RBMS3: variants seen among roughly 807,000 people sequenced by gnomAD.
RBMS3 encodes the protein RNA binding motif single stranded interacting protein 3, also known as RNA-binding motif, single-stranded-interacting protein 3.
RBMS3 carries 27 observed loss-of-function variants against 66.8 expected under a neutral mutation model. The observed-to-expected ratio is 0.40, with a 90% confidence interval of 0.30 to 0.56. The LOEUF (loss-of-function observed/expected upper bound fraction) is 0.56. Ranked by LOEUF, RBMS3 falls within the 20% of genes least tolerant of loss-of-function variation. The pLI is 0.40. For missense variants in RBMS3, 513 were observed against 549.5 expected (o/e 0.93, Z 0.66); for synonymous variants, 188 against 183.0 (o/e 1.03, Z -0.22).
intron 2 of RBMS3, among the ~76,000 whole-genome samples, chr3:29,469,336 C>T (rs966652219): frequency 6.6e-6 from 1 of 152,038 alleles, no homozygotes; most frequent in Admixed American, 6.6e-5. Flanking sequence ...AATGATCCCA[C>T]TCCTGAGCAG....
intron 4 of RBMS3, among the ~76,000 whole-genome samples, chr3:29,612,905 A>G (rs1268929678): frequency 2.0e-5 from 3 of 152,272 alleles, no homozygotes; most frequent in South Asian, 4.1e-4. Context: ...TTAAAATTGC[A>G]TAGGTATCAT....
intron 12 of RBMS3, among the ~76,000 whole-genome samples, chr3:29,967,369 C>A (rs183259640): frequency 6.6e-6 from 1 of 152,194 alleles, no homozygotes; most frequent in South Asian, 2.1e-4. Flanking sequence ...TCTCTGGCCT[C>A]ACTGCAACCT....
In RBMS3 at chr3:29,350,142, A is replaced by T. The variant is rs537903217; in HGVS notation, c.75+68386A>T. On this transcript the variant is annotated intron_variant, in intron 1 of 14. Transcript: ENST00000383767. ...ACCATTGCACTCCAGCCTGGGCAAC[A>T]AGAGTAAAAACTCCATCTGAAAAAA... 1.9e-3 allele frequency among the ~76,000 whole-genome samples: 262 copies of T among 139,406 alleles called. 2 individuals carry two copies. Among genetic ancestry groups the T allele is most frequent in the African/African-American group, 7.0e-3 (254 of 36,402 alleles). The allele number at this position is 139,406 out of a possible 152,430, so 91.5% of individuals were successfully genotyped here.
chr3:29,637,974 A>G (rs1394895255), intron 4 of RBMS3, among the ~76,000 whole-genome samples: 1 of 151,886 alleles, frequency 6.6e-6, no homozygotes, highest in Admixed American at 6.6e-5. Context: ...AAATCTATTC[A>G]TCTCCTTTGA....
intron 6 of RBMS3, among the ~76,000 whole-genome samples, chr3:29,862,926 A>G (rs2059255591): frequency 6.6e-6 from 1 of 152,008 alleles, no homozygotes. Context: ...ATACTAATAA[A>G]GATATGATGA....
chr3:29,992,689 A>G (rs1411128446), intron 14 of RBMS3, among the ~76,000 whole-genome samples: 1 of 152,196 alleles, frequency 6.6e-6, no homozygotes, highest in Admixed American at 6.5e-5. Context: ...ACAGCTGGGG[A>G]TCTGTAGCCA....
intron 3 of RBMS3, among the ~76,000 whole-genome samples, chr3:29,571,136 T>C (rs2046939184): frequency 6.6e-6 from 1 of 152,092 alleles, no homozygotes; most frequent in African/African-American, 2.4e-5. Flanking sequence ...CCTTGAAAAA[T>C]TTCTATTAAA....
chr3:29,770,986 A>G (rs1005172087), intron 6 of RBMS3, among the ~76,000 whole-genome samples: 3 of 152,088 alleles, frequency 2.0e-5, no homozygotes, highest in African/African-American at 7.2e-5. Flanking sequence ...AAAGCCTGCT[A>G]TACATACACC....
At chr3:29,623,286 TA>T (rs2048939673) in intron 4 of RBMS3, among the ~76,000 whole-genome samples, 1 of 151,540 alleles carries the variant, frequency 6.6e-6, no homozygotes, top group Non-Finnish European at 1.5e-5. Context: ...AGGCAATGAG[TA>T]AACATTATAA....
intron 4 of RBMS3, among the ~76,000 whole-genome samples, chr3:29,648,123 T>C (rs1363447271): frequency 6.6e-6 from 1 of 152,134 alleles, no homozygotes; most frequent in Non-Finnish European, 1.5e-5. Flanking sequence ...ACCCTGATGT[T>C]GTCCCTTGCT....
intron 2 of RBMS3, among the ~76,000 whole-genome samples, chr3:29,473,762 G>C (rs888587550): frequency 3.3e-5 from 5 of 152,324 alleles, no homozygotes; most frequent in Admixed American, 2.6e-4. Context: ...GCCGCTCATT[G>C]CCCGGGGCCG....
At chr3:29,508,764 GA>G (rs750085608) in intron 3 of RBMS3, among the ~76,000 whole-genome samples, 1 of 151,662 alleles carries the variant, frequency 6.6e-6, no homozygotes, top group Non-Finnish European at 1.5e-5. Flanking sequence ...AGATCCTTGA[GA>G]AATCACCACA....
At chr3:29,320,346 A>G (rs1207238449) in intron 1 of RBMS3, among the ~76,000 whole-genome samples, 3 of 152,082 alleles carry the variant, frequency 2.0e-5, no homozygotes, top group South Asian at 4.1e-4. Context: ...CTCCTTTTAA[A>G]TGCTCTAAAG....
chr3:29,770,439 G>A (rs986115381), intron 6 of RBMS3, among the ~76,000 whole-genome samples: 5 of 151,860 alleles, frequency 3.3e-5, no homozygotes, highest in African/African-American at 4.8e-5. Flanking sequence ...AGTTACATAT[G>A]AAGCACCAAT....
intron 6 of RBMS3, among the ~76,000 whole-genome samples, chr3:29,858,902 C>T (rs2149531181): frequency 1.3e-5 from 2 of 152,232 alleles, no homozygotes; most frequent in East Asian, 3.9e-4. Context: ...GTGATTTCCT[C>T]TATGTTGTTT....
At chr3:29,578,278 C>T (rs1025180739) in intron 3 of RBMS3, among the ~76,000 whole-genome samples, 3 of 152,238 alleles carry the variant, frequency 2.0e-5, no homozygotes, top group South Asian at 2.1e-4. Context: ...AGGGAAATTA[C>T]GTTTTACTGA....
At chr3:29,411,622 C>T (rs1328360656) in intron 1 of RBMS3, among the ~76,000 whole-genome samples, 1 of 152,226 alleles carries the variant, frequency 6.6e-6, no homozygotes, top group African/African-American at 2.4e-5. Flanking sequence ...GAGAGTGAAA[C>T]TTTTATGCCC....
At chr3:29,786,714 A>C in intron 6 of RBMS3, among the ~76,000 whole-genome samples, 1 of 152,166 alleles carries the variant, frequency 6.6e-6, no homozygotes, top group Non-Finnish European at 1.5e-5. Flanking sequence ...AGACTTAGAT[A>C]TAAGAGCTGA....
rs1466360697 is a variant in RBMS3, at chr3:29,378,812, T to G, written c.76-55931T>G. Among the ~76,000 whole-genome samples, 7 of 151,990 alleles carry G rather than the reference T, an allele frequency of 4.6e-5. No individual in the cohort carries two copies. In the Admixed American group the frequency reaches 4.6e-4, roughly 10 times the overall value. ...ACGATTTTTTTCCAGTGATCATTCC[T>G]AATCATTAAGTGTGATGTCAAAATT... On this transcript the variant is annotated intron_variant, in intron 1 of 14. Transcript: ENST00000383767.
Sources: allele counts gnomAD v4.1 joint callset (sites outside exome capture counted in the v4.1 genomes callset), GRCh38; gene constraint gnomAD v4.1.1; transcripts MANE v1.5; gene names NCBI Gene and HGNC (gene_info 2026-07-23, HGNC 2026-07-21).